Variants in SYN2 observed in about 807,000 individuals in gnomAD.
SYN2 encodes the protein synapsin-2.
A neutral mutation model predicts 50.9 loss-of-function variants in SYN2; 19 were observed. The observed-to-expected ratio is 0.37, with a 90% CI of 0.26 to 0.55. SYN2 has a LOEUF of 0.55. SYN2 is among the 20% of genes least tolerant of loss of function. The pLI, the probability that SYN2 is intolerant of heterozygous loss-of-function variation, is 0.81. For missense variants in SYN2, 587 were observed against 576.4 expected, an observed-to-expected ratio of 1.02 and a Z score of -0.19; for synonymous variants, 255 against 224.9, an observed-to-expected ratio of 1.13 and a Z score of -1.20.
intron 1 of SYN2, chr3:12,071,660 T>C: frequency 3.1e-6 from 1 of 320,640 alleles, no homozygotes; most frequent in South Asian, 2.9e-5. Context: ...AGAACGTGCT[T>C]GTGGAAGACA....
intron 10 of SYN2, among the ~76,000 whole-genome samples, chr3:12,172,101 A>T (rs1296099655): frequency 6.6e-6 from 1 of 152,178 alleles, no homozygotes; most frequent in African/African-American, 2.4e-5. Context: ...TATCCAAAGG[A>T]TATTGTGGAA....
At chr3:12,161,401 C>G in intron 5 of SYN2, 145 bp from the exon 6 acceptor site, 1 of 863,972 alleles carries the variant, frequency 1.2e-6, no homozygotes, top group East Asian at 2.7e-5. Context: ...TTCCATGGGT[C>G]TCAGTTTTTT....
chr3:12,011,902 A>G (rs1163756776), intron 1 of SYN2, among the ~76,000 whole-genome samples: 1 of 152,246 alleles, frequency 6.6e-6, no homozygotes, highest in Non-Finnish European at 1.5e-5. Context: ...ATAAGGTACC[A>G]TAAAAGCATT....
chr3:12,039,038 G>GT, intron 1 of SYN2, among the ~76,000 whole-genome samples: 1 of 152,202 alleles, frequency 6.6e-6, no homozygotes, highest in East Asian at 1.9e-4. Context: ...GTTAACTGTG[G>GT]TTTTTTATAG....
At chr3:12,097,750 A>G (rs1039182800) in intron 1 of SYN2, among the ~76,000 whole-genome samples, 1 of 152,208 alleles carries the variant, frequency 6.6e-6, no homozygotes, top group Non-Finnish European at 1.5e-5. Context: ...AAACTCTCGC[A>G]AGGACAGAAA....
chr3:12,022,077 CAAA>C (rs76652649), intron 1 of SYN2, among the ~76,000 whole-genome samples: 18 of 122,538 alleles, frequency 1.5e-4, no homozygotes, highest in Non-Finnish European at 1.2e-4. Context: ...GGCTCTGTGT[CAAA>C]AAAAAAAAAA....
intron 1 of SYN2, among the ~76,000 whole-genome samples, chr3:12,015,190 T>G (rs1449880458): frequency 6.6e-6 from 1 of 152,234 alleles, no homozygotes; most frequent in East Asian, 1.9e-4. Context: ...CTCAACTCAG[T>G]TGTTGCATCG....
chr3:12,172,648 T>C (rs543027253), intron 10 of SYN2, among the ~76,000 whole-genome samples: 84 of 152,334 alleles, frequency 5.5e-4, no homozygotes, highest in East Asian at 3.5e-3. Flanking sequence ...ACAGTTTTTA[T>C]TGGGGCTTCA....
chr3:12,067,628 AAAGG>A (rs1157651028), intron 1 of SYN2, among the ~76,000 whole-genome samples: 7 of 151,960 alleles, frequency 4.6e-5, no homozygotes, highest in Non-Finnish European at 1.0e-4. Context: ...AAAAAAAAAA[AAAGG>A]AAAGAAAGAA....
In SYN2 at chr3:12,153,474, C is replaced by G. The variant is rs755667591; in HGVS notation, c.774+2148C>G. On this transcript the variant is annotated intron_variant, in intron 5 of 12. Coordinates refer to ENST00000621198, the MANE Select transcript of SYN2 (RefSeq NM_133625.6). ...TGCAGGGAAGGAGAACTGGCTTGAT[C>G]TTCAGGACTCTTGAAGGGATGTGAT... is the stretch of plus-strand genomic sequence containing the variant. 11 of 1,609,256 alleles carry G rather than the reference C, an allele frequency of 6.8e-6. No homozygotes were observed. The South Asian group carries it at 1.2e-4, about 18-fold the overall frequency.
chr3:12,124,780 A>C (rs773332873), intron 1 of SYN2, among the ~76,000 whole-genome samples: 1 of 152,148 alleles, frequency 6.6e-6, no homozygotes, highest in Non-Finnish European at 1.5e-5. Flanking sequence ...CATGTAGTAA[A>C]ACTATATAAA....
chr3:12,097,741 A>G (rs1285529939), intron 1 of SYN2, among the ~76,000 whole-genome samples: 1 of 152,218 alleles, frequency 6.6e-6, no homozygotes, highest in African/African-American at 2.4e-5. Flanking sequence ...ATTCTCAGCA[A>G]ACTCTCGCAA....
At chr3:12,093,766 T>A (rs117143136) in intron 1 of SYN2, among the ~76,000 whole-genome samples, 1 of 152,216 alleles carries the variant, frequency 6.6e-6, no homozygotes, top group Non-Finnish European at 1.5e-5. Flanking sequence ...ATATCCTAAC[T>A]GTTCTAATGG....
At chr3:12,040,102 G>A (rs1455612763) in intron 1 of SYN2, among the ~76,000 whole-genome samples, 2 of 152,172 alleles carry the variant, frequency 1.3e-5, no homozygotes, top group East Asian at 1.9e-4. Context: ...GGAGATTTGT[G>A]TCCATGTTTG....
intron 1 of SYN2, among the ~76,000 whole-genome samples, chr3:12,139,630 G>A (rs1231147639): frequency 1.3e-5 from 2 of 152,152 alleles, no homozygotes; most frequent in East Asian, 3.9e-4. Context: ...AAAACAACTT[G>A]CATGTAATTC....
chr3:12,007,961 A>T (rs1415314697), intron 1 of SYN2, among the ~76,000 whole-genome samples: 1 of 152,232 alleles, frequency 6.6e-6, no homozygotes, highest in Non-Finnish European at 1.5e-5. Context: ...TGCCATTAAA[A>T]ATTGAAATCA....
chr3:12,174,011 T>C (rs925667569), intron 10 of SYN2, among the ~76,000 whole-genome samples: 2 of 152,180 alleles, frequency 1.3e-5, no homozygotes, highest in Non-Finnish European at 2.9e-5. Context: ...CTCCCTCCTC[T>C]AAACACTATT....
At chr3:12,049,382 G>A (rs1259371502) in intron 1 of SYN2, among the ~76,000 whole-genome samples, 5 of 152,192 alleles carry the variant, frequency 3.3e-5, no homozygotes, top group Middle Eastern at 3.4e-3. Flanking sequence ...GCCTGGTGTG[G>A]TGACAAGTGC....
chr3:12,062,774 A>G (rs1174170559), intron 1 of SYN2, among the ~76,000 whole-genome samples: 1 of 152,058 alleles, frequency 6.6e-6, no homozygotes, highest in Non-Finnish European at 1.5e-5. Context: ...CAAGACAAAA[A>G]CCTGCATGCA....
Sources: gnomAD v4.1 joint callset for allele counts (sites outside exome capture counted in the v4.1 genomes callset) on GRCh38, gnomAD v4.1.1 for gene constraint, MANE v1.5 for transcripts, NCBI Gene and HGNC (gene_info 2026-07-23, HGNC 2026-07-21) for gene names.